EHMT1: variants seen among roughly 807,000 people sequenced by gnomAD.
EHMT1 encodes the protein euchromatic histone lysine methyltransferase 1.
EHMT1 carries 15 observed loss-of-function variants against 147.2 expected under a neutral mutation model. The observed-to-expected ratio is 0.10, with a 90% confidence interval of 0.07 to 0.16. EHMT1 has a LOEUF of 0.16. EHMT1 is among the 10% of genes least tolerant of loss of function. The pLI is 1.00. For synonymous variants in EHMT1, 795 were observed against 709.6 expected (o/e 1.12, Z -1.91); for missense variants, 1,587 against 1,772.4 (o/e 0.90, Z 1.88).
At chr9:137,725,174 A>T (rs1288358820) in intron 3 of EHMT1, among the ~76,000 whole-genome samples, 1 of 148,202 alleles carries the variant, frequency 6.7e-6, no homozygotes, top group African/African-American at 2.5e-5. Flanking sequence ...TTCGTGTGGC[A>T]GGCATGTCAG....
intron 1 of EHMT1, among the ~76,000 whole-genome samples, chr9:137,669,418 G>A (rs1385885911): frequency 6.5e-5 from 1 of 15,340 alleles, no homozygotes; most frequent in Non-Finnish European, 1.3e-4. Context: ...TGCACTCCAC[G>A]ACTGCACCCA....
intron 1 of EHMT1, among the ~76,000 whole-genome samples, chr9:137,632,776 A>C (rs1417273884): frequency 1.3e-5 from 2 of 152,130 alleles, no homozygotes; most frequent in Non-Finnish European, 2.9e-5. Context: ...GCATTTAATG[A>C]CTGTTCCTTT....
chr9:137,818,206 C>T (rs983534655), intron 25 of EHMT1, 68 bp downstream of exon 25: 2 of 1,546,766 alleles, frequency 1.3e-6, no homozygotes, highest in East Asian at 4.5e-5. Flanking sequence ...GTGTTTGTCC[C>T]AGTAGGGCTG....
At chr9:137,672,707 T>C (rs1402916523) in intron 1 of EHMT1, among the ~76,000 whole-genome samples, 4 of 152,266 alleles carry the variant, frequency 2.6e-5, no homozygotes, top group Non-Finnish European at 4.4e-5. Flanking sequence ...AAGTTTCACA[T>C]TTTTGTGTCA....
At chr9:137,745,488 AAC>A (rs747667594) in intron 6 of EHMT1, 2 of 398,490 alleles carry the variant, frequency 5.0e-6, no homozygotes, top group East Asian at 3.6e-5. Context: ...TGAGGAAGAA[AAC>A]ACAGCATCAT....
chr9:137,669,476 C>A (rs1940235728), intron 1 of EHMT1, among the ~76,000 whole-genome samples: 1 of 125,298 alleles, frequency 8.0e-6, no homozygotes, highest in Non-Finnish European at 1.7e-5. Context: ...AGACGCCCCC[C>A]ACAGCACGTG....
chr9:137,736,694 C>A (rs11137195), intron 4 of EHMT1, among the ~76,000 whole-genome samples: 23,437 of 152,232 alleles, frequency 0.15, 2,479 homozygotes, highest in Admixed American at 0.31. Flanking sequence ...AGTTCGAGAC[C>A]AGCCTGGCCA....
intron 6 of EHMT1, 53 bp downstream of exon 6, chr9:137,744,143 GCCGTGGTTCTGAAAATTAACA>G: frequency 6.2e-7 from 1 of 1,606,348 alleles, no homozygotes; most frequent in South Asian, 1.1e-5. Flanking sequence ...CACAAAGTTG[GCCGTGGTTCTGAAAATTAACA>G]GTCTGGTCAC....
chr9:137,647,270 C>G (rs1844964051), intron 1 of EHMT1, among the ~76,000 whole-genome samples: 1 of 152,088 alleles, frequency 6.6e-6, no homozygotes, highest in Non-Finnish European at 1.5e-5. Context: ...CCCAGGCTGA[C>G]CTCTTTGCTG....
intron 10 of EHMT1, chr9:137,763,866 C>T (rs1427126651): frequency 6.6e-6 from 1 of 152,380 alleles, no homozygotes; most frequent in African/African-American, 2.4e-5. Context: ...GAGCCTTGTT[C>T]CAAAGGTCAG....
At chr9:137,800,450 C>T in intron 17 of EHMT1, 1 of 231,510 alleles carries the variant, frequency 4.3e-6, no homozygotes. Context: ...GAAGGAGGAG[C>T]AGAACCTGCT....
chr9:137,726,632 G>C (rs956575363), intron 3 of EHMT1, among the ~76,000 whole-genome samples: 1 of 152,234 alleles, frequency 6.6e-6, no homozygotes, highest in Admixed American at 6.5e-5. Context: ...GCTGGGGCAC[G>C]TGCCCAGCAG....
At chr9:137,649,224 A>G (rs1368984173) in intron 1 of EHMT1, among the ~76,000 whole-genome samples, 1 of 152,060 alleles carries the variant, frequency 6.6e-6, no homozygotes, top group Non-Finnish European at 1.5e-5. Flanking sequence ...CGGGTGGATC[A>G]TGAGGTCAGG....
intron 14 of EHMT1, among the ~76,000 whole-genome samples, chr9:137,780,876 G>A (rs113755702): frequency 8.6e-4 from 74 of 86,088 alleles, no homozygotes; most frequent in Non-Finnish European, 7.4e-4. Flanking sequence ...GATGACGCCG[G>A]GATGTGTGGT....
intron 1 of EHMT1, among the ~76,000 whole-genome samples, chr9:137,653,545 TG>T (rs1938094652): frequency 6.6e-6 from 1 of 152,118 alleles, no homozygotes; most frequent in Non-Finnish European, 1.5e-5. Context: ...TTTTTTCTTT[TG>T]AGACAGAGTT....
intron 1 of EHMT1, chr9:137,646,453 T>G: frequency 1.0e-6 from 1 of 985,036 alleles, no homozygotes; most frequent in African/African-American, 1.7e-5. Flanking sequence ...GAGGGCTGAA[T>G]GGGAGCCCCG....
chr9:137,653,152 G>A (rs1361992130), intron 1 of EHMT1, among the ~76,000 whole-genome samples: 2 of 152,148 alleles, frequency 1.3e-5, no homozygotes, highest in Non-Finnish European at 2.9e-5. Flanking sequence ...AGCCCTGCAA[G>A]CTCCATTCAT....
At chr9:137,738,619 C>A (rs1245702765) in intron 4 of EHMT1, 2 of 152,122 alleles carry the variant, frequency 1.3e-5, no homozygotes, top group Non-Finnish European at 2.9e-5. Flanking sequence ...TCAACCACAG[C>A]AGCCAAAAGG....
At chr9:137,622,158 GC>G (rs1564512865) in intron 1 of EHMT1, among the ~76,000 whole-genome samples, 1 of 121,424 alleles carries the variant, frequency 8.2e-6, no homozygotes, top group African/African-American at 3.2e-5. Flanking sequence ...TTGATCTATT[GC>G]CCAGGCTGGA....
Sources: gnomAD v4.1 joint callset for allele counts (sites outside exome capture counted in the v4.1 genomes callset) on GRCh38, gnomAD v4.1.1 for gene constraint, MANE v1.5 for transcripts, NCBI Gene and HGNC (gene_info 2026-07-23, HGNC 2026-07-21) for gene names.